The following LRP5 variants were observed in gnomAD, a reference collection of about 807,000 sequenced individuals.
LRP5 encodes LDL receptor related protein 5.
A neutral mutation model predicts 154.1 loss-of-function variants in LRP5; 62 were observed. That is an observed-to-expected ratio of 0.40 (90% CI 0.33 to 0.50). The LOEUF (loss-of-function observed/expected upper bound fraction) is 0.50. Among genes scored for constraint, LRP5 ranks in the 20% least tolerant of loss-of-function variants. LRP5 has a pLI of 0.55. For synonymous variants in LRP5, 966 were observed against 1,011.5 expected, an observed-to-expected ratio of 0.96 and a Z score of 0.85; for missense variants, 1,915 against 2,336.7, an observed-to-expected ratio of 0.82 and a Z score of 3.72.
chr11:68,372,371 A>G (rs2098634575), intron 5 of LRP5, among the ~76,000 whole-genome samples: 1 of 134,012 alleles, frequency 7.5e-6, no homozygotes, highest in South Asian at 2.5e-4. Flanking sequence ...TGTCAGGCAG[A>G]CCCGGGACCG....
intron 2 of LRP5, among the ~76,000 whole-genome samples, chr11:68,355,669 T>G (rs920892052): frequency 6.6e-6 from 1 of 152,150 alleles, no homozygotes; most frequent in African/African-American, 2.4e-5. Context: ...TCTGCTCACT[T>G]TGTCTTGGTT....
At chr11:68,443,997 C>T (rs898619760) in intron 21 of LRP5, among the ~76,000 whole-genome samples, 1 of 151,892 alleles carries the variant, frequency 6.6e-6, no homozygotes, top group Non-Finnish European at 1.5e-5. Context: ...TTTCGTTTTA[C>T]GTTCACATCT....
At chr11:68,370,353 G>A (rs1312603404) in intron 5 of LRP5, among the ~76,000 whole-genome samples, 3 of 152,184 alleles carry the variant, frequency 2.0e-5, no homozygotes, top group Admixed American at 6.5e-5. Context: ...TCCTGCAAGC[G>A]GGGGAGAGGG....
At chr11:68,435,483 GGA>G (rs10634157) in intron 18 of LRP5, among the ~76,000 whole-genome samples, 1 of 150,230 alleles carries the variant, frequency 6.7e-6, no homozygotes, top group Non-Finnish European at 1.5e-5. Flanking sequence ...AGGGAGCAAC[GGA>G]GAGAGAGAGA....
In LRP5 at chr11:68,429,265, TAGG is replaced by T. The variant is rs1233569923; in HGVS notation, c.3638-304_3638-302del. Among the ~76,000 whole-genome samples, 4 of 151,632 alleles carry T rather than the reference TAGG, an allele frequency of 2.6e-5. No individual in the cohort carries two copies. The East Asian group carries it at 7.8e-4, about 30-fold the overall frequency. On this transcript the variant is annotated intron_variant, in intron 16 of 22. Transcript: ENST00000294304. ...GTGACCCTGTCTCAAAGTAAGTAAATAGGAGGAGAGACAAGTGGGCAGTTCAGA... is the reference window on the plus strand; with the variant it reads ...GTGACCCTGTCTCAAAGTAAGTAAATAGGAGAGACAAGTGGGCAGTTCAGA...
chr11:68,326,872 G>A (rs1402215265), intron 1 of LRP5, among the ~76,000 whole-genome samples: 1 of 152,222 alleles, frequency 6.6e-6, no homozygotes, highest in East Asian at 1.9e-4. Flanking sequence ...TCCCCGGGGA[G>A]GCATGGAGTC....
chr11:68,395,215 T>G (rs1226518323), intron 7 of LRP5, among the ~76,000 whole-genome samples: 13 of 148,688 alleles, frequency 8.7e-5, no homozygotes, highest in African/African-American at 3.2e-4. Flanking sequence ...GCAGGAGAAT[T>G]GCTTAAACCT....
chr11:68,364,185 T>C (rs2098629627), intron 4 of LRP5, among the ~76,000 whole-genome samples: 1 of 151,656 alleles, frequency 6.6e-6, no homozygotes, highest in African/African-American at 2.4e-5. Flanking sequence ...AGGACCCCTC[T>C]GCAGAGCTCA....
chr11:68,427,062 C>T (rs1025353732), intron 16 of LRP5, among the ~76,000 whole-genome samples: 3 of 152,192 alleles, frequency 2.0e-5, no homozygotes, highest in Non-Finnish European at 4.4e-5. Context: ...TTCTAAAGGG[C>T]CCTGTGATTC....
rs568360896 is a variant in LRP5 at position 68,339,576 on chromosome 11, T to G, written c.92-8271T>G. The stretch of plus-strand genomic sequence containing the variant: ...TTGGCCAGGCTGGTCTCGAACTCCT[T>G]ACCTCGTGATCCGCCCGCCTCAGCC... On this transcript the variant is annotated intron_variant, in intron 1 of 22. Transcript: ENST00000294304. 2.0e-4 allele frequency among the ~76,000 whole-genome samples: 31 copies of G among 151,966 alleles called. No individual in the cohort carries two copies. The East Asian group carries it at 2.1e-3, about 10-fold the overall frequency.
At chr11:68,410,693 G>A (rs1214619208) in intron 10 of LRP5, among the ~76,000 whole-genome samples, 1 of 152,210 alleles carries the variant, frequency 6.6e-6, no homozygotes, top group Non-Finnish European at 1.5e-5. Flanking sequence ...CAGGCGTCCT[G>A]GGGGCCCTGC....
At chr11:68,416,558 T>G in intron 13 of LRP5, 31 bp downstream of exon 13, 2 of 1,607,936 alleles carry the variant, frequency 1.2e-6, no homozygotes, top group Middle Eastern at 1.7e-4. Flanking sequence ...GTGCGGGGTG[T>G]GCTTCCCAAG....
intron 12 of LRP5, 24 bp from the exon 13 acceptor site, chr11:68,416,304 C>T: frequency 6.2e-7 from 1 of 1,608,080 alleles, no homozygotes; most frequent in Non-Finnish European, 8.5e-7. Flanking sequence ...CACCCACCTG[C>T]AGCCCTGTCT....
intron 13 of LRP5, among the ~76,000 whole-genome samples, chr11:68,419,589 G>A (rs528841738): frequency 9.9e-4 from 150 of 151,016 alleles, no homozygotes; most frequent in Middle Eastern, 3.2e-3. Context: ...GCCCAGGCTG[G>A]AGTGCAGTGG....
intron 9 of LRP5, among the ~76,000 whole-genome samples, chr11:68,409,162 T>G (rs1288633414): frequency 3.8e-5 from 5 of 132,550 alleles, no homozygotes; most frequent in African/African-American, 1.5e-4. Flanking sequence ...ATATATAATA[T>G]AAAAATATAT....
At chr11:68,424,893 C>A (rs577377626) in intron 14 of LRP5, among the ~76,000 whole-genome samples, 37 of 152,366 alleles carry the variant, frequency 2.4e-4, no homozygotes, top group African/African-American at 7.9e-4. Context: ...TTTGTAAAGA[C>A]CCTGCTTCCA....
At chr11:68,445,719 C>T (rs757502515) in intron 21 of LRP5, 15 of 1,230,066 alleles carry the variant, frequency 1.2e-5, no homozygotes, top group African/African-American at 1.5e-5. Flanking sequence ...GGGCCCAGGG[C>T]CCCTGGTCCC....
rs756516754 is a variant in LRP5 at position 68,357,842 on chromosome 11, G to A, written c.681G>A (p.Ser227=). The change falls in exon 3 of 23, where the codon TCG becomes TCA. Residue 227 remains serine, a synonymous_variant. Coordinates refer to ENST00000294304, the MANE Select transcript of LRP5 (RefSeq NM_002335.4). Reference sequence around the variant, plus strand: ...TCCACCGTGCCAACCTGGACGGCTCGTTCCGGTAGGTACCCACGCAGTCCT... The same window carrying A: ...TCCACCGTGCCAACCTGGACGGCTCATTCCGGTAGGTACCCACGCAGTCCT... ...SFIHRANLDG[S]FRQKVVEGSL... 2.8e-5 allele frequency: 45 copies of A among 1,610,836 alleles called. No individual in the cohort carries two copies. The South Asian group carries it at 3.0e-4, about 11-fold the overall frequency.
chr11:68,336,603 G>T (rs1452139560), intron 1 of LRP5, among the ~76,000 whole-genome samples: 1 of 152,022 alleles, frequency 6.6e-6, no homozygotes, highest in Non-Finnish European at 1.5e-5. Flanking sequence ...TGAGAAGCTG[G>T]GATTACAGGC....
Sources: gnomAD v4.1 joint callset for allele counts (sites outside exome capture counted in the v4.1 genomes callset) on GRCh38, gnomAD v4.1.1 for gene constraint, MANE v1.5 for transcripts, NCBI Gene and HGNC (gene_info 2026-07-23, HGNC 2026-07-21) for gene names.